AKAP6: variants seen among roughly 807,000 people sequenced by gnomAD.
The protein encoded by AKAP6 is A-kinase anchor protein 6.
A neutral mutation model predicts 188.5 loss-of-function variants in AKAP6; 58 were observed. The observed-to-expected ratio is 0.31, with a 90% CI of 0.25 to 0.38. The LOEUF is 0.38. AKAP6 is among the 10% of genes least tolerant of loss of function. The pLI, the probability that AKAP6 is intolerant of heterozygous loss-of-function variation, is 1.00. For missense variants in AKAP6, 2,710 were observed against 2,740.0 expected, an observed-to-expected ratio of 0.99 and a Z score of 0.24; for synonymous variants, 989 against 998.6, an observed-to-expected ratio of 0.99 and a Z score of 0.18.
At chr14:32,723,507 A>G (rs1338419382) in intron 9 of AKAP6, among the ~76,000 whole-genome samples, 3 of 152,036 alleles carry the variant, frequency 2.0e-5, no homozygotes, top group African/African-American at 7.2e-5. Flanking sequence ...TTAATGCAAC[A>G]TAGAACAATT....
At chr14:32,788,526 G>T (rs1384114985) in intron 12 of AKAP6, among the ~76,000 whole-genome samples, 1 of 152,152 alleles carries the variant, frequency 6.6e-6, no homozygotes, top group Non-Finnish European at 1.5e-5. Flanking sequence ...AAAAGCAGGG[G>T]GTGGGGGCAA....
chr14:32,363,078 C>T (rs1298638300), intron 1 of AKAP6, among the ~76,000 whole-genome samples: 1 of 152,122 alleles, frequency 6.6e-6, no homozygotes. Flanking sequence ...ACACATGTTC[C>T]CCTCACAGAA....
chr14:32,454,665 CT>C (rs1891064410), intron 2 of AKAP6, among the ~76,000 whole-genome samples: 1 of 49,346 alleles, frequency 2.0e-5, no homozygotes, highest in Non-Finnish European at 3.7e-5. Context: ...CTCTCCTTCC[CT>C]CCTTCCCTCC....
intron 9 of AKAP6, among the ~76,000 whole-genome samples, chr14:32,725,599 G>T (rs2030831303): frequency 6.6e-6 from 1 of 152,034 alleles, no homozygotes. Context: ...TATAGTAAAG[G>T]ATATTAATAG....
intron 1 of AKAP6, among the ~76,000 whole-genome samples, chr14:32,391,444 T>C (rs1333797268): frequency 6.6e-6 from 1 of 152,218 alleles, no homozygotes; most frequent in African/African-American, 2.4e-5. Flanking sequence ...TCTCTGTTCC[T>C]ACATGTTTCT....
At chr14:32,742,738 A>AT (rs1566680427) in intron 11 of AKAP6, among the ~76,000 whole-genome samples, 1 of 151,886 alleles carries the variant, frequency 6.6e-6, no homozygotes, top group East Asian at 1.9e-4. Context: ...AAGATGCTTG[A>AT]TATTATTTAC....
chr14:32,512,117 G>C (rs1385698277), intron 2 of AKAP6, among the ~76,000 whole-genome samples: 1 of 152,166 alleles, frequency 6.6e-6, no homozygotes, highest in Admixed American at 6.5e-5. Flanking sequence ...TTAAATAGTG[G>C]TGGGATGGGC....
At chr14:32,441,171 G>A (rs1046415509) in intron 2 of AKAP6, among the ~76,000 whole-genome samples, 1 of 152,156 alleles carries the variant, frequency 6.6e-6, no homozygotes. Flanking sequence ...TTTTGTTATA[G>A]TAGTCTGAAT....
chr14:32,540,168 C>CTATATATATATA (rs61668961), intron 3 of AKAP6, among the ~76,000 whole-genome samples: 5 of 60,912 alleles, frequency 8.2e-5, no homozygotes, highest in African/African-American at 2.9e-4. Flanking sequence ...CTCTCTCTCT[C>CTATATATATATA]TATATATATA....
At chr14:32,650,723 G>C (rs144510041) in intron 7 of AKAP6, among the ~76,000 whole-genome samples, 1 of 152,218 alleles carries the variant, frequency 6.6e-6, no homozygotes, top group Non-Finnish European at 1.5e-5. Context: ...ACTGGACCAG[G>C]GTTCCCCAAG....
chr14:32,742,773 G>A (rs756372701), intron 11 of AKAP6, among the ~76,000 whole-genome samples: 8 of 151,920 alleles, frequency 5.3e-5, no homozygotes, highest in Non-Finnish European at 8.8e-5. Context: ...TTTAAGACTC[G>A]TTTTGTGATC....
chr14:32,738,266 A>C (rs1218393901), intron 11 of AKAP6, among the ~76,000 whole-genome samples: 2 of 152,120 alleles, frequency 1.3e-5, no homozygotes, highest in Non-Finnish European at 2.9e-5. Flanking sequence ...ATAATTACTT[A>C]ATCATATGTT....
chr14:32,608,861 T>A (rs956088202), intron 7 of AKAP6, among the ~76,000 whole-genome samples: 2 of 152,208 alleles, frequency 1.3e-5, no homozygotes, highest in Admixed American at 6.5e-5. Context: ...CATTTTGTGC[T>A]AGGTAGTGGA....
intron 9 of AKAP6, among the ~76,000 whole-genome samples, chr14:32,731,991 A>G (rs931268343): frequency 2.0e-5 from 3 of 152,106 alleles, no homozygotes; most frequent in African/African-American, 7.2e-5. Context: ...TTTTTAAGGA[A>G]AAGAAAATGA....
intron 7 of AKAP6, among the ~76,000 whole-genome samples, chr14:32,608,952 A>T (rs1039349001): frequency 6.6e-6 from 1 of 151,974 alleles, no homozygotes; most frequent in Non-Finnish European, 1.5e-5. Context: ...CTTCTAAAAA[A>T]CACTTTAAAA....
chr14:32,511,760 G>A lies in AKAP6; in HGVS notation c.325-23794G>A, dbSNP rs1459303910. 2.0e-5 allele frequency among the ~76,000 whole-genome samples: 3 copies of A among 152,032 alleles called. 1 individual carries two copies. Among genetic ancestry groups the A allele is most frequent in the Non-Finnish European group, 4.4e-5 (3 of 68,006 alleles). On this transcript the variant is annotated intron_variant, in intron 2 of 13. Transcript: ENST00000280979. ...ACACATTTTTTCCTCTTTTCACTGA[G>A]CTAAACTGAGTGCTGAATTGCAGTA...
At chr14:32,788,284 A>T (rs1287405071) in intron 12 of AKAP6, among the ~76,000 whole-genome samples, 1 of 152,152 alleles carries the variant, frequency 6.6e-6, no homozygotes, top group East Asian at 1.9e-4. Context: ...AAATTATTTA[A>T]CTTTTCTGTG....
intron 7 of AKAP6, among the ~76,000 whole-genome samples, chr14:32,650,764 C>T (rs1302479638): frequency 6.6e-6 from 1 of 152,116 alleles, no homozygotes; most frequent in African/African-American, 2.4e-5. Context: ...CGGCATTGTT[C>T]ACCCTGTTTT....
At chr14:32,518,044 GCTGTT>G (rs1286640565) in intron 2 of AKAP6, among the ~76,000 whole-genome samples, 4 of 152,186 alleles carry the variant, frequency 2.6e-5, no homozygotes, top group African/African-American at 9.7e-5. Context: ...TGCAACATTT[GCTGTT>G]CTGCAGCCTG....
Sources: gnomAD v4.1 joint callset for allele counts (sites outside exome capture counted in the v4.1 genomes callset) on GRCh38, gnomAD v4.1.1 for gene constraint, MANE v1.5 for transcripts, NCBI Gene and HGNC (gene_info 2026-07-23, HGNC 2026-07-21) for gene names.